CAP1: variants seen among roughly 807,000 people sequenced by gnomAD.
CAP1 encodes adenylyl cyclase-associated protein 1.
CAP1 carries 11 observed loss-of-function variants against 58.2 expected under a neutral mutation model. The observed-to-expected ratio is 0.19, with a 90% CI of 0.12 to 0.31. CAP1 has a LOEUF of 0.31. Ranked by LOEUF, CAP1 falls within the 10% of genes least tolerant of loss-of-function variation. The pLI, the probability that CAP1 is intolerant of heterozygous loss-of-function variation, is 1.00. For missense variants in CAP1, 423 were observed against 587.5 expected, an observed-to-expected ratio of 0.72 and a Z score of 2.89; for synonymous variants, 183 against 213.8, an observed-to-expected ratio of 0.86 and a Z score of 1.26.
At chr1:40,058,448 G>A (rs1011340682) in intron 1 of CAP1, among the ~76,000 whole-genome samples, 3 of 152,106 alleles carry the variant, frequency 2.0e-5, no homozygotes, top group East Asian at 3.9e-4. Flanking sequence ...AGGGCAGGCC[G>A]GGCACAGTGG....
intron 4 of CAP1, 108 bp downstream of exon 4, chr1:40,061,920 T>A: frequency 1.2e-6 from 1 of 839,014 alleles, no homozygotes; most frequent in South Asian, 1.4e-5. Flanking sequence ...AGGCTTTTGA[T>A]AATATATGTT....
At chr1:40,041,631 A>G (rs1645834903) in intron 1 of CAP1, 1 of 151,040 alleles carries the variant, frequency 6.6e-6, no homozygotes, top group African/African-American at 2.4e-5. Context: ...TGCTGACCCC[A>G]CAAGATTAAA....
intron 1 of CAP1, among the ~76,000 whole-genome samples, chr1:40,050,932 G>A (rs546159516): frequency 6.6e-6 from 1 of 152,246 alleles, no homozygotes; most frequent in African/African-American, 2.4e-5. Context: ...GCTTGCTCAT[G>A]CATCCTTGTT....
intron 1 of CAP1, among the ~76,000 whole-genome samples, chr1:40,052,949 G>C (rs920284635): frequency 1.3e-5 from 2 of 152,034 alleles, no homozygotes; most frequent in African/African-American, 2.4e-5. Flanking sequence ...AATTGGCCAG[G>C]CATGGTGGCT....
chr1:40,071,155 G>C (rs1186889270), intron 12 of CAP1, among the ~76,000 whole-genome samples, 176 bp downstream of exon 12: 1 of 152,186 alleles, frequency 6.6e-6, no homozygotes, highest in Non-Finnish European at 1.5e-5. Context: ...AAAGGTAGGT[G>C]CTTTCTGCCT....
chr1:40,070,268 A>G lies in CAP1; in HGVS notation c.1103A>G (p.Asn368Ser). ...ACATTGCAAATCAAGGGCAAAATTA[A>G]CTCCATTACAGTAGGTGAGTCTTTG... Reference protein sequence around the residue: ...NTTLQIKGKINSITVDNCKKL... With the variant: ...NTTLQIKGKISSITVDNCKKL... Residue 368 changes from asparagine to serine, a missense_variant, in exon 10 of 13, where the codon AAC becomes AGC. Asn to Ser is a conservative substitution (Grantham distance 46). Coordinates refer to ENST00000372805, the MANE Select transcript of CAP1 (RefSeq NM_006367.4). 6.2e-7 allele frequency: 1 copy of G among 1,613,966 alleles called. No homozygotes were observed. Among genetic ancestry groups the G allele is most frequent in the Non-Finnish European group, 8.5e-7 (1 of 1,179,970 alleles).
chr1:40,066,148 G>C, intron 6 of CAP1, 67 bp from the exon 7 acceptor site: 2 of 859,592 alleles, frequency 2.3e-6, no homozygotes, highest in South Asian at 2.7e-5. Context: ...TAGGAAAGAA[G>C]GGTTCTGGAG....
At chr1:40,054,145 C>CTTTA (rs1429190898) in intron 1 of CAP1, among the ~76,000 whole-genome samples, 1 of 149,182 alleles carries the variant, frequency 6.7e-6, no homozygotes, top group African/African-American at 2.5e-5. Context: ...GAGTAAGAGC[C>CTTTA]TTTATTTATT....
At chr1:40,060,344 G>A (rs151259320) in intron 3 of CAP1, among the ~76,000 whole-genome samples, 174 bp downstream of exon 3, 67 of 152,174 alleles carry the variant, frequency 4.4e-4, no homozygotes, top group African/African-American at 1.5e-3. Flanking sequence ...CCACAGAAAC[G>A]ATTCCTCATT....
chr1:40,050,264 C>G (rs1459926128), intron 1 of CAP1, among the ~76,000 whole-genome samples: 1 of 151,826 alleles, frequency 6.6e-6, no homozygotes, highest in African/African-American at 2.4e-5. Flanking sequence ...ACTATTTTAC[C>G]TTTCTTTTAT....
chr1:40,071,224 G>A (rs1382376081), intron 12 of CAP1, among the ~76,000 whole-genome samples: 3 of 152,110 alleles, frequency 2.0e-5, no homozygotes, highest in Non-Finnish European at 4.4e-5. Flanking sequence ...TTGTCAGGCT[G>A]GTGCTATAAA....
chr1:40,044,788 CTTTTTTTTTTT>C (rs71060347), intron 1 of CAP1, among the ~76,000 whole-genome samples: 71 of 85,244 alleles, frequency 8.3e-4, no homozygotes, highest in Admixed American at 1.3e-3. Flanking sequence ...CCATATAATT[CTTTTTTTTTTT>C]TTTTTTTTTT....
In CAP1 at chr1:40,072,130, G is replaced by T. The variant is rs2124459339; in HGVS notation, c.*597G>T. ...TGGGTCTGCCTCAACCGTGAGATAGGAGAGTCTCTGGTACTAGCTGCTGTA... is the reference window on the plus strand; with the variant it reads ...TGGGTCTGCCTCAACCGTGAGATAGTAGAGTCTCTGGTACTAGCTGCTGTA... On this transcript the variant is annotated 3_prime_UTR_variant, in exon 13 of 13. Coordinates refer to ENST00000372805, the MANE Select transcript of CAP1 (RefSeq NM_006367.4). The T allele has an allele frequency of 2.5e-6, 1 of 399,814 alleles. No homozygotes were observed. Among genetic ancestry groups the T allele is most frequent in the Admixed American group, 4.4e-5 (1 of 22,882 alleles). 24.8% of individuals were successfully genotyped at this position (399,814 alleles called of 1,614,324 possible). A position where few individuals can be genotyped will look rare whatever the true frequency, so the allele number is the denominator to read the frequency against.
chr1:40,049,178 A>ATTTTTTTTTT lies in CAP1; in HGVS notation c.-11+8394_-11+8403dup, dbSNP rs72214452. Among the ~76,000 whole-genome samples the ATTTTTTTTTT allele has an allele frequency of 1.6e-4, 14 of 84,886 alleles. 1 individual carries two copies. The highest frequency in any genetic ancestry group is 8.5e-3 in the Middle Eastern group (1 of 118). 55.7% of individuals were successfully genotyped at this position (84,886 alleles called of 152,430 possible). On this transcript the variant is annotated intron_variant, in intron 1 of 12. Coordinates refer to ENST00000372805, the MANE Select transcript of CAP1 (RefSeq NM_006367.4). ...TGGCAGGAATCACTAGCCATTTCTA[A>ATTTTTTTTTT]TTTTTTTTTTTTTTTTTTTTTTTTT...
chr1:40,045,209 A>T (rs1032305527), intron 1 of CAP1, among the ~76,000 whole-genome samples: 21 of 152,128 alleles, frequency 1.4e-4, no homozygotes, highest in Admixed American at 3.3e-4. Flanking sequence ...AGACATTGCC[A>T]TATGTCTCCT....
rs1557701958 is a variant in CAP1 at position 40,071,915 on chromosome 1, C to A, written c.*382C>A. ...GATCAGAATGTTCACACTGGTTAAT[C>A]TTTTTTTAACAATGAGCATGAAGGT... is the stretch of plus-strand genomic sequence containing the variant. On this transcript the variant is annotated 3_prime_UTR_variant, in exon 13 of 13. Coordinates refer to ENST00000372805, the MANE Select transcript of CAP1 (RefSeq NM_006367.4). 4 of 412,566 alleles carry A rather than the reference C, an allele frequency of 9.7e-6. No homozygotes were observed. Among genetic ancestry groups the A allele is most frequent in the African/African-American group, 4.1e-5 (2 of 48,884 alleles). 25.6% of individuals were successfully genotyped at this position (412,566 alleles called of 1,614,324 possible). A position where few individuals can be genotyped will look rare whatever the true frequency, so the allele number is the denominator to read the frequency against.
At position 40,055,117 on chromosome 1, in the gene CAP1, C is replaced by G. The variant is rs78816755; in HGVS notation, c.-10-4220C>G. On this transcript the variant is annotated intron_variant, in intron 1 of 12. Transcript: ENST00000372805. Reference sequence around the variant, plus strand: ...GGGGCAGATGGGAAAGGGAAAACATCTAAGCAGAGTGGATAGCATTATAAA... The same window carrying G: ...GGGGCAGATGGGAAAGGGAAAACATGTAAGCAGAGTGGATAGCATTATAAA... Among the ~76,000 whole-genome samples the G allele has an allele frequency of 7.2e-3, 1,101 of 152,274 alleles. 10 individuals carry two copies. The highest frequency in any genetic ancestry group is 0.026 in the African/African-American group (1,060 of 41,544).
chr1:40,071,000 A>G, intron 12 of CAP1, 21 bp downstream of exon 12: 1 of 1,590,560 alleles, frequency 6.3e-7, no homozygotes, highest in Non-Finnish European at 8.6e-7. Flanking sequence ...TGATCTCTTT[A>G]GTATGATGTT....
rs1224932165 is a variant in CAP1 at position 40,066,298 on chromosome 1, C to T, written c.608C>T (p.Thr203Ile). ...LQAYIKEFHTTGLAWSKTGPV... is the reference protein window; with the variant it reads ...LQAYIKEFHTIGLAWSKTGPV... The stretch of plus-strand genomic sequence containing the variant: ...GCTTACATTAAGGAGTTCCATACCA[C>T]CGGACTGGCCTGGAGCAAAACGGTT... Residue 203 changes from threonine to isoleucine, a missense_variant, in exon 7 of 13, where the codon ACC (threonine) becomes ATC (isoleucine). Transcript: ENST00000372805. The T allele has an allele frequency of 6.2e-6, 10 of 1,604,216 alleles. No homozygotes were observed. The highest frequency in any genetic ancestry group is 7.7e-6 in the Non-Finnish European group (9 of 1,171,096).
Sources: gnomAD v4.1 joint callset for allele counts (sites outside exome capture counted in the v4.1 genomes callset) on GRCh38, gnomAD v4.1.1 for gene constraint, MANE v1.5 for transcripts, NCBI Gene and HGNC (gene_info 2026-07-23, HGNC 2026-07-21) for gene names.